Variants in RAD51B observed in about 807,000 individuals in gnomAD.
RAD51B encodes the protein DNA repair protein RAD51 homolog 2.
In RAD51B, 38 loss-of-function variants were observed where a neutral mutation model predicts 42.2. The observed-to-expected ratio is 0.90, with a 90% CI of 0.70 to 1.18. RAD51B has a LOEUF of 1.18. Ranked by LOEUF, RAD51B falls within the 50% of genes most tolerant of loss-of-function variation. RAD51B has a pLI of 0.00. For synonymous variants in RAD51B, 154 were observed against 145.2 expected (o/e 1.06, Z -0.43); for missense variants, 373 against 400.7 (o/e 0.93, Z 0.59).
intron 7 of RAD51B, among the ~76,000 whole-genome samples, chr14:68,114,769 G>A (rs1006091273): frequency 6.6e-6 from 1 of 152,092 alleles, no homozygotes; most frequent in Non-Finnish European, 1.5e-5. Context: ...TATTATTTGT[G>A]TAAGTATTAT....
chr14:68,450,776 A>T (rs1033702773), intron 9 of RAD51B, among the ~76,000 whole-genome samples: 1 of 152,214 alleles, frequency 6.6e-6, no homozygotes, highest in Non-Finnish European at 1.5e-5. Context: ...ACCAACCGGG[A>T]AAGAGAGAGA....
intron 7 of RAD51B, among the ~76,000 whole-genome samples, chr14:68,121,756 A>T (rs1388181734): frequency 5.9e-5 from 9 of 152,188 alleles, no homozygotes; most frequent in Non-Finnish European, 1.2e-4. Context: ...CAACTAAAAA[A>T]TTTACAAAAA....
chr14:68,430,429 A>T (rs2084972255), intron 9 of RAD51B, among the ~76,000 whole-genome samples: 1 of 152,160 alleles, frequency 6.6e-6, no homozygotes, highest in African/African-American at 2.4e-5. Flanking sequence ...TTCATTGACC[A>T]GTGGTTTGTA....
At chr14:68,441,826 T>C (rs968793342) in intron 9 of RAD51B, among the ~76,000 whole-genome samples, 1 of 152,234 alleles carries the variant, frequency 6.6e-6, no homozygotes, top group African/African-American at 2.4e-5. Flanking sequence ...TATACCTCAG[T>C]TACTATTTTA....
chr14:68,167,804 T>C (rs1225232726), intron 7 of RAD51B, among the ~76,000 whole-genome samples: 12 of 152,278 alleles, frequency 7.9e-5, no homozygotes, highest in Non-Finnish European at 2.9e-5. Flanking sequence ...ATTCTACTTA[T>C]TATACTCCCT....
At chr14:68,660,144 TA>T (rs1462866505) in intron 11 of RAD51B, among the ~76,000 whole-genome samples, 9 of 152,242 alleles carry the variant, frequency 5.9e-5, no homozygotes, top group African/African-American at 2.2e-4. Flanking sequence ...CTGGCCCATC[TA>T]AAGGGGGCAC....
chr14:68,161,992 T>C (rs987179407), intron 7 of RAD51B, among the ~76,000 whole-genome samples: 1 of 152,198 alleles, frequency 6.6e-6, no homozygotes, highest in African/African-American at 2.4e-5. Context: ...ATACCTCCTG[T>C]AGTGCACAGA....
chr14:68,606,165 G>C (rs991846871), intron 10 of RAD51B, among the ~76,000 whole-genome samples: 2 of 152,224 alleles, frequency 1.3e-5, no homozygotes, highest in African/African-American at 4.8e-5. Flanking sequence ...CTAAGGTGCA[G>C]CCTAGGACCG....
chr14:67,894,148 A>G (rs1180713531), intron 7 of RAD51B, among the ~76,000 whole-genome samples: 1 of 152,230 alleles, frequency 6.6e-6, no homozygotes, highest in Non-Finnish European at 1.5e-5. Context: ...TAAATGAGAT[A>G]ATGTCTGTAA....
At chr14:68,299,213 ATGGACCATATAC>A (rs2081671367) in intron 8 of RAD51B, among the ~76,000 whole-genome samples, 1 of 152,010 alleles carries the variant, frequency 6.6e-6, no homozygotes, top group African/African-American at 2.4e-5. Context: ...TACACACATT[ATGGACCATATAC>A]TGTATGCCTG....
At position 68,477,662 on chromosome 14, in the gene RAD51B, T is replaced by G; in HGVS notation, c.1051T>G (p.Ter351GluextTer13). The G allele has an allele frequency of 6.2e-7, 1 of 1,607,622 alleles. No homozygotes were observed. The highest frequency in any genetic ancestry group is 8.5e-7 in the Non-Finnish European group (1 of 1,176,522). ...GLVLQGQEKP[*>E] The stretch of plus-strand genomic sequence containing the variant: ...TTTTCCTTTAGGCCAAGAGAAGCCA[T>G]AGGGATACTGTGACCTTTGTCTAGA... The change falls in exon 11 of 11, where the codon TAG becomes GAG. Residue 351 changes from the stop codon to glutamate (E), a stop_lost. Coordinates refer to ENST00000471583, the MANE Select transcript of RAD51B (RefSeq NM_133510.4).
intron 11 of RAD51B, among the ~76,000 whole-genome samples, chr14:68,673,548 GTA>G (rs924375667): frequency 1.4e-5 from 2 of 147,846 alleles, no homozygotes; most frequent in Admixed American, 6.7e-5. Context: ...ACATACATAT[GTA>G]CACACATATG....
At chr14:68,365,406 C>T (rs1381315960) in intron 8 of RAD51B, among the ~76,000 whole-genome samples, 1 of 152,216 alleles carries the variant, frequency 6.6e-6, no homozygotes, top group Non-Finnish European at 1.5e-5. Context: ...TGAAGGCAGT[C>T]CCACCTCAGA....
intron 7 of RAD51B, among the ~76,000 whole-genome samples, chr14:68,091,314 A>G (rs2077095482): frequency 6.6e-6 from 1 of 152,206 alleles, no homozygotes; most frequent in Non-Finnish European, 1.5e-5. Flanking sequence ...TTACAGTCCC[A>G]CCAACAGTGT....
At chr14:68,252,619 A>G (rs867178686) in intron 7 of RAD51B, among the ~76,000 whole-genome samples, 10 of 152,362 alleles carry the variant, frequency 6.6e-5, no homozygotes, top group African/African-American at 2.2e-4. Flanking sequence ...ACAACATTGC[A>G]GGAAAAAATA....
chr14:68,384,932 T>G (rs1351944300), intron 8 of RAD51B, among the ~76,000 whole-genome samples: 2 of 152,196 alleles, frequency 1.3e-5, no homozygotes, highest in Admixed American at 1.3e-4. Context: ...GTAGGATGAT[T>G]ACTCTGTGGC....
Position 68,324,135 on chromosome 14 carries a change from AT to A in RAD51B, c.853+32156del, listed in dbSNP as rs764661876. Among the ~76,000 whole-genome samples the A allele has an allele frequency of 7.8e-4, 119 of 152,382 alleles. 1 individual carries two copies. The highest frequency in any genetic ancestry group is 3.4e-3 in the Middle Eastern group (1 of 294). ...ATAATTTATTTTATAAGTGCCTGGC[AT>A]ATTAATAAATGGTATGTAGTTTACT... On this transcript the variant is annotated intron_variant, in intron 8 of 10. Transcript: ENST00000471583.
At chr14:68,658,789 A>G (rs1336031027) in intron 11 of RAD51B, among the ~76,000 whole-genome samples, 1 of 152,226 alleles carries the variant, frequency 6.6e-6, no homozygotes, top group Non-Finnish European at 1.5e-5. Context: ...TGTGTGGAGC[A>G]TGCATTGTTA....
intron 10 of RAD51B, among the ~76,000 whole-genome samples, chr14:68,602,812 C>T (rs117655875): frequency 1.3e-5 from 2 of 152,178 alleles, no homozygotes; most frequent in Non-Finnish European, 2.9e-5. Flanking sequence ...GTACTATGAC[C>T]TAGGCAAGTC....
Sources: allele counts gnomAD v4.1 joint callset (sites outside exome capture counted in the v4.1 genomes callset), GRCh38; gene constraint gnomAD v4.1.1; transcripts MANE v1.5; gene names NCBI Gene and HGNC (gene_info 2026-07-23, HGNC 2026-07-21).